TCF4: variants seen among roughly 807,000 people sequenced by gnomAD.
TCF4 encodes the protein transcription factor 4, also known as SL3-3 enhancer factor 2.
In TCF4, 3 loss-of-function variants were observed where a neutral mutation model predicts 82.1. That is an observed-to-expected ratio of 0.04 (90% CI 0.02 to 0.09). TCF4 has a LOEUF of 0.09. TCF4 is among the 10% of genes least tolerant of loss of function. The probability of loss-of-function intolerance (pLI) is 1.00; values close to 1 mark genes in which losing one functional copy is unlikely to be tolerated. For synonymous variants in TCF4, 276 were observed against 309.6 expected, an observed-to-expected ratio of 0.89 and a Z score of 1.14; for missense variants, 518 against 852.7, an observed-to-expected ratio of 0.61 and a Z score of 4.89.
intron 6 of TCF4, among the ~76,000 whole-genome samples, chr18:55,390,882 T>C (rs2093026017): frequency 1.3e-5 from 2 of 152,144 alleles, no homozygotes; most frequent in South Asian, 4.1e-4. Context: ...ACTCCAAACT[T>C]AAATGTTCTT....
intron 17 of TCF4, chr18:55,229,279 C>G (rs2047195891): frequency 1.1e-5 from 7 of 622,444 alleles, no homozygotes; most frequent in Non-Finnish European, 2.0e-5. Flanking sequence ...GGTTTTCTCG[C>G]AGACATTAAA....
chr18:55,510,560 A>C lies in TCF4; in HGVS notation c.146-46423T>G, dbSNP rs773589580. 18 of 1,473,048 alleles carry C rather than the reference A, an allele frequency of 1.2e-5. 1 individual carries two copies. In the Middle Eastern group the frequency reaches 1.9e-3, roughly 157 times the overall value. 91.2% of individuals were successfully genotyped at this position (1,473,048 alleles called of 1,614,324 possible). A position where few individuals can be genotyped will look rare whatever the true frequency, so the allele number is the denominator to read the frequency against. Reference sequence around the variant, plus strand: ...AATCAAGAGTAAGCTTTTAAAATACAAGTTACATAAATATTTACCTCTGCT... The same window carrying C: ...AATCAAGAGTAAGCTTTTAAAATACCAGTTACATAAATATTTACCTCTGCT... On this transcript the variant is annotated intron_variant, in intron 3 of 19. Transcript: ENST00000354452.
chr18:55,622,881 CTGTG>C (rs1168157065), intron 2 of TCF4, among the ~76,000 whole-genome samples: 2 of 149,620 alleles, frequency 1.3e-5, no homozygotes, highest in African/African-American at 5.0e-5. Flanking sequence ...TTTCTCCACT[CTGTG>C]TGTGTGTGTG....
intron 16 of TCF4, among the ~76,000 whole-genome samples, chr18:55,233,452 G>A (rs2048444622): frequency 1.3e-5 from 2 of 152,288 alleles, no homozygotes; most frequent in East Asian, 3.9e-4. Context: ...AAGATGCTCA[G>A]GTTGTGCTTA....
chr18:55,466,033 G>A (rs1470993181), intron 3 of TCF4, among the ~76,000 whole-genome samples: 1 of 152,206 alleles, frequency 6.6e-6, no homozygotes, highest in African/African-American at 2.4e-5. Context: ...GAAAGAGGAC[G>A]CTACTGCCAG....
chr18:55,396,488 G>A (rs17594665), intron 6 of TCF4, among the ~76,000 whole-genome samples: 6,978 of 152,164 alleles, frequency 0.046, 226 homozygotes, highest in African/African-American at 0.088. Flanking sequence ...CCCTGATAGC[G>A]CAGCTTCACA....
In TCF4 at chr18:55,241,389, T is replaced by C. The variant is rs781016417; in HGVS notation, c.1351-6706A>G. Among the ~76,000 whole-genome samples, 10 of 152,230 alleles carry C rather than the reference T, an allele frequency of 6.6e-5. No individual in the cohort carries two copies. In the South Asian group the frequency reaches 1.9e-3, roughly 28 times the overall value. ...TCCTCTATCTCTTCCTTGCTCCACA[T>C]AGCAGGCTAGTAAGTAGATGGTATG... On this transcript the variant is annotated intron_variant, in intron 15 of 19. Coordinates refer to ENST00000354452, the MANE Select transcript of TCF4 (RefSeq NM_001083962.2).
intron 8 of TCF4, among the ~76,000 whole-genome samples, chr18:55,315,656 C>T (rs2073947610): frequency 6.6e-6 from 1 of 152,050 alleles, no homozygotes; most frequent in Non-Finnish European, 1.5e-5. Flanking sequence ...TAATAAAATG[C>T]CATGGTATCT....
intron 15 of TCF4, among the ~76,000 whole-genome samples, chr18:55,253,246 C>A (rs375889899): frequency 2.6e-5 from 4 of 152,246 alleles, no homozygotes; most frequent in East Asian, 3.9e-4. Flanking sequence ...TACTACTGAG[C>A]AAGAACTTAA....
chr18:55,626,157 T>A (rs1232273059), intron 2 of TCF4, among the ~76,000 whole-genome samples: 1 of 152,238 alleles, frequency 6.6e-6, no homozygotes, highest in Non-Finnish European at 1.5e-5. Context: ...GGAAGCCCAG[T>A]TGGGATGGAA....
At chr18:55,454,865 C>T (rs1458267366) in intron 5 of TCF4, among the ~76,000 whole-genome samples, 1 of 152,182 alleles carries the variant, frequency 6.6e-6, no homozygotes, top group Non-Finnish European at 1.5e-5. Context: ...AGAGGACCCA[C>T]AGGCAGCTGT....
chr18:55,599,545 AC>A (rs2097694543), intron 2 of TCF4, among the ~76,000 whole-genome samples: 2 of 152,142 alleles, frequency 1.3e-5, no homozygotes, highest in South Asian at 4.1e-4. Flanking sequence ...ACATGGTGAA[AC>A]CCCGTCTCTA....
chr18:55,535,773 A>C (rs2097109188), intron 3 of TCF4, among the ~76,000 whole-genome samples: 1 of 152,216 alleles, frequency 6.6e-6, no homozygotes, highest in Non-Finnish European at 1.5e-5. Flanking sequence ...GAGTTAAACA[A>C]ATTATCAGTT....
chr18:55,493,764 C>G (rs2096600163), intron 3 of TCF4, among the ~76,000 whole-genome samples: 1 of 152,026 alleles, frequency 6.6e-6, no homozygotes, highest in African/African-American at 2.4e-5. Context: ...ACCAAAATGC[C>G]TTTGTCTCTC....
chr18:55,262,716 C>A (rs1349573247), intron 11 of TCF4, among the ~76,000 whole-genome samples: 1 of 152,112 alleles, frequency 6.6e-6, no homozygotes, highest in Non-Finnish European at 1.5e-5. Context: ...ATGGCTTTTC[C>A]AGGTCATAAT....
chr18:55,537,995 G>C lies in TCF4; in HGVS notation c.145+47285C>G, dbSNP rs551085110. ...GTTATCCTGTCATTGGCCTTTGTTT[G>C]CTAGTCTGGATTTTGCTAGTCTGCG... On this transcript the variant is annotated intron_variant, in intron 3 of 19. Coordinates refer to ENST00000354452, the MANE Select transcript of TCF4 (RefSeq NM_001083962.2). 2.6e-5 allele frequency among the ~76,000 whole-genome samples: 4 copies of C among 150,990 alleles called. No individual in the cohort carries two copies. The South Asian group carries it at 8.4e-4, about 32-fold the overall frequency.
chr18:55,603,307 C>A (rs936923070), intron 2 of TCF4, among the ~76,000 whole-genome samples: 3 of 152,126 alleles, frequency 2.0e-5, no homozygotes, highest in African/African-American at 7.2e-5. Context: ...AATTAGTCAC[C>A]CTGGCTGAGA....
chr18:55,277,999 C>T (rs1601193103), intron 9 of TCF4, among the ~76,000 whole-genome samples: 1 of 152,062 alleles, frequency 6.6e-6, no homozygotes, highest in Admixed American at 6.5e-5. Context: ...ACACCTAGGA[C>T]GGGTCACAAA....
At chr18:55,301,482 A>G (rs1032607510) in intron 8 of TCF4, among the ~76,000 whole-genome samples, 4 of 152,212 alleles carry the variant, frequency 2.6e-5, no homozygotes, top group Admixed American at 6.5e-5. Context: ...TCTGGACCCA[A>G]TCGTTCACCG....
Sources: gnomAD v4.1 joint callset for allele counts (sites outside exome capture counted in the v4.1 genomes callset) on GRCh38, gnomAD v4.1.1 for gene constraint, MANE v1.5 for transcripts, NCBI Gene and HGNC (gene_info 2026-07-23, HGNC 2026-07-21) for gene names.